Variants in GRK5 observed in about 807,000 individuals in gnomAD.
GRK5 encodes the protein g protein-coupled receptor kinase GRK5.
In GRK5, 40 loss-of-function variants were observed where a neutral mutation model predicts 78.4. The ratio of observed to expected loss-of-function variants is 0.51; its 90% CI spans 0.40 to 0.66. The LOEUF (loss-of-function observed/expected upper bound fraction) is 0.66. GRK5 is among the 30% of genes least tolerant of loss of function. The pLI is 0.00. For missense variants in GRK5, 598 were observed against 759.9 expected (o/e 0.79, Z 2.50); for synonymous variants, 289 against 296.8 (o/e 0.97, Z 0.27).
chr10:119,281,066 C>A (rs1849755125), intron 1 of GRK5, among the ~76,000 whole-genome samples: 3 of 151,924 alleles, frequency 2.0e-5, no homozygotes, highest in African/African-American at 7.3e-5. Context: ...GCATGAACCA[C>A]CACGCCCATC....
intron 2 of GRK5, among the ~76,000 whole-genome samples, chr10:119,330,708 C>A (rs1159954083): frequency 2.0e-5 from 3 of 152,004 alleles, no homozygotes; most frequent in Admixed American, 6.6e-5. Flanking sequence ...CCTCCCAGCC[C>A]CCTCCTCCCA....
intron 4 of GRK5, among the ~76,000 whole-genome samples, chr10:119,398,517 A>C (rs916032662): frequency 6.6e-6 from 1 of 152,142 alleles, no homozygotes; most frequent in Non-Finnish European, 1.5e-5. Flanking sequence ...GCATCTTCCC[A>C]CGGTGGCTCA....
chr10:119,291,741 T>C (rs1002193510), intron 1 of GRK5, among the ~76,000 whole-genome samples: 1 of 144,316 alleles, frequency 6.9e-6, no homozygotes, highest in Non-Finnish European at 1.5e-5. Context: ...TCTTCTCTTC[T>C]TCCTCTTCAT....
At chr10:119,394,172 G>GTCTGGGGGTGTGTATC in intron 3 of GRK5, among the ~76,000 whole-genome samples, 1 of 149,800 alleles carries the variant, frequency 6.7e-6, no homozygotes, top group Non-Finnish European at 1.5e-5. Flanking sequence ...GGGTTTGAGT[G>GTCTGGGGGTGTGTATC]TGTGTGTGGG....
intron 4 of GRK5, among the ~76,000 whole-genome samples, chr10:119,398,400 G>A (rs1414485707): frequency 2.5e-4 from 1 of 4,064 alleles, no homozygotes. Flanking sequence ...CTGATGATTC[G>A]CGTATCCACG....
In GRK5 at chr10:119,251,161, A is replaced by G. The variant is rs143671833; in HGVS notation, c.52+43192A>G. On this transcript the variant is annotated intron_variant, in intron 1 of 15. Transcript: ENST00000392870. ...AACAACAAAACGCTGCTTGCTCCCA[A>G]ACTGTTTGAATTTAAAACTCTGAAT... Among the ~76,000 whole-genome samples, 122 of 152,224 alleles carry G rather than the reference A, an allele frequency of 8.0e-4. 2 individuals carry two copies. Among genetic ancestry groups the G allele is most frequent in the African/African-American group, 2.4e-3 (98 of 41,528 alleles).
At chr10:119,439,912 G>A in intron 10 of GRK5, 144 bp downstream of exon 10, 3 of 710,184 alleles carry the variant, frequency 4.2e-6, no homozygotes, top group Non-Finnish European at 7.3e-6. Context: ...TGGGGAAGGG[G>A]GAAAGCTGTG....
At chr10:119,268,200 AGATGG>A (rs1849532036) in intron 1 of GRK5, among the ~76,000 whole-genome samples, 2 of 152,264 alleles carry the variant, frequency 1.3e-5, no homozygotes, top group African/African-American at 4.8e-5. Flanking sequence ...CTAAAGCAGC[AGATGG>A]GAAAATGGAA....
chr10:119,410,375 A>C (rs529146529), intron 4 of GRK5, among the ~76,000 whole-genome samples: 1 of 152,144 alleles, frequency 6.6e-6, no homozygotes, highest in African/African-American at 2.4e-5. Context: ...AGCCACTGGA[A>C]TAGCAAAGGA....
At chr10:119,438,039 C>T (rs1350958640) in intron 9 of GRK5, among the ~76,000 whole-genome samples, 1 of 152,228 alleles carries the variant, frequency 6.6e-6, no homozygotes, top group Non-Finnish European at 1.5e-5. Flanking sequence ...TGCAGTGAGT[C>T]AAGATCACCA....
intron 1 of GRK5, among the ~76,000 whole-genome samples, chr10:119,236,450 G>A (rs1237440426): frequency 1.3e-5 from 2 of 152,100 alleles, no homozygotes; most frequent in Non-Finnish European, 2.9e-5. Context: ...TCCCGATCTC[G>A]TGATCCGCCC....
At chr10:119,279,162 G>C (rs972707041) in intron 1 of GRK5, among the ~76,000 whole-genome samples, 2 of 152,218 alleles carry the variant, frequency 1.3e-5, no homozygotes, top group African/African-American at 4.8e-5. Context: ...TTACAGGCGT[G>C]AGCCACTGCG....
chr10:119,281,639 T>G (rs1386687397), intron 1 of GRK5, among the ~76,000 whole-genome samples: 1 of 152,218 alleles, frequency 6.6e-6, no homozygotes, highest in East Asian at 1.9e-4. Context: ...CGGCTGAGCC[T>G]TTGAAGCTGG....
intron 4 of GRK5, among the ~76,000 whole-genome samples, chr10:119,415,281 T>G (rs1437912492): frequency 6.7e-6 from 1 of 149,306 alleles, no homozygotes; most frequent in Non-Finnish European, 1.5e-5. Flanking sequence ...CATGAAGGGG[T>G]GGGAAGGAAC....
intron 12 of GRK5, among the ~76,000 whole-genome samples, chr10:119,444,979 C>T (rs1853114805): frequency 6.6e-6 from 1 of 152,212 alleles, no homozygotes; most frequent in Admixed American, 6.5e-5. Context: ...CCCAGAGGCC[C>T]CTCTCCTGCA....
Position 119,452,524 on chromosome 10 carries a change from C to T in GRK5, c.1405-147C>T. 2 of 927,846 alleles carry T rather than the reference C, an allele frequency of 2.2e-6. No individual in the cohort carries two copies. The highest frequency in any genetic ancestry group is 1.6e-6 in the Non-Finnish European group (1 of 627,752). The allele number at this position is 927,846 out of a possible 1,614,324, so 57.5% of individuals were successfully genotyped here. ...CCCCTGGACTCACCTGCATCTGAGC[C>T]ACACACCCTCCAGCCACTACCCATA... is the stretch of plus-strand genomic sequence containing the variant. On this transcript the variant is annotated intron_variant, in intron 13 of 15. Coordinates refer to ENST00000392870, the MANE Select transcript of GRK5 (RefSeq NM_005308.3). The surrounding 1 kb of genome is among the most constrained non-coding windows in gnomAD (Gnocchi z 4.4).
At chr10:119,247,982 T>C (rs1388969080) in intron 1 of GRK5, among the ~76,000 whole-genome samples, 1 of 152,208 alleles carries the variant, frequency 6.6e-6, no homozygotes, top group Admixed American at 6.5e-5. Context: ...AGTGAACAAG[T>C]GTTTATATCC....
intron 9 of GRK5, among the ~76,000 whole-genome samples, chr10:119,439,460 G>A (rs1852987129): frequency 6.6e-6 from 1 of 152,222 alleles, no homozygotes. Flanking sequence ...GTGTGAACAG[G>A]GGCCATGACT....
chr10:119,273,634 C>T (rs1337126517), intron 1 of GRK5, among the ~76,000 whole-genome samples: 1 of 152,174 alleles, frequency 6.6e-6, no homozygotes, highest in African/African-American at 2.4e-5. Flanking sequence ...CAAGCTTTGT[C>T]CCCATGGGTC....
Sources: gnomAD v4.1 joint callset for allele counts (sites outside exome capture counted in the v4.1 genomes callset) on GRCh38, gnomAD v4.1.1 for gene constraint, Gnocchi (gnomAD v3.1) non-coding constraint, MANE v1.5 for transcripts, NCBI Gene and HGNC (gene_info 2026-07-23, HGNC 2026-07-21) for gene names.